Variants in PCCB observed in about 807,000 individuals in gnomAD.
PCCB encodes the protein propionyl-CoA carboxylase subunit beta.
PCCB carries 43 observed loss-of-function variants against 60.7 expected under a neutral mutation model. The observed-to-expected ratio is 0.71, with a 90% CI of 0.55 to 0.91. The LOEUF (loss-of-function observed/expected upper bound fraction) is 0.91, where lower values mean the gene tolerates loss of function less well. Ranked by LOEUF, PCCB falls within the 40% of genes least tolerant of loss-of-function variation. The pLI, the probability that PCCB is intolerant of heterozygous loss-of-function variation, is 0.00. For synonymous variants in PCCB, 276 were observed against 255.9 expected (o/e 1.08, Z -0.75); for missense variants, 766 against 702.8 (o/e 1.09, Z -1.02).
At chr3:136,314,032 TCACA>T (rs34354052) in intron 9 of PCCB, among the ~76,000 whole-genome samples, 8 of 150,768 alleles carry the variant, frequency 5.3e-5, no homozygotes, top group Admixed American at 4.0e-4. Flanking sequence ...TTAGAAGGAG[TCACA>T]CACACACACA....
intron 9 of PCCB, among the ~76,000 whole-genome samples, chr3:136,316,318 T>A (rs1438392014): frequency 2.0e-5 from 3 of 152,112 alleles, no homozygotes; most frequent in African/African-American, 7.2e-5. Flanking sequence ...TTTTTATTTT[T>A]ATTTATTTAT....
chr3:136,266,383 C>T (rs1286680537), intron 5 of PCCB, among the ~76,000 whole-genome samples: 1 of 152,170 alleles, frequency 6.6e-6, no homozygotes, highest in African/African-American at 2.4e-5. Context: ...TCTGCCTTGG[C>T]CTCCCAAAGT....
chr3:136,265,494 T>C (rs1178102214), intron 5 of PCCB, among the ~76,000 whole-genome samples: 2 of 152,256 alleles, frequency 1.3e-5, no homozygotes, highest in Non-Finnish European at 2.9e-5. Context: ...TGTTCCTTTT[T>C]ATTGGTGAAT....
At chr3:136,297,844 G>T (rs886596568) in intron 7 of PCCB, 108 bp from the exon 8 acceptor site, 6 of 1,219,438 alleles carry the variant, frequency 4.9e-6, no homozygotes, top group Non-Finnish European at 7.3e-6. Context: ...AGAGCTATCA[G>T]CACGGTCTGC....
At chr3:136,307,540 A>T (rs1346118857) in intron 9 of PCCB, among the ~76,000 whole-genome samples, 1 of 152,214 alleles carries the variant, frequency 6.6e-6, no homozygotes, top group African/African-American at 2.4e-5. Context: ...ATAATTACAA[A>T]GGTAACCACT....
chr3:136,276,966 G>A (rs1043714642), intron 5 of PCCB, among the ~76,000 whole-genome samples: 4 of 152,208 alleles, frequency 2.6e-5, no homozygotes, highest in African/African-American at 4.8e-5. Flanking sequence ...GCCAGGATAA[G>A]TTGATTGCTA....
intron 10 of PCCB, among the ~76,000 whole-genome samples, chr3:136,317,677 C>G (rs1268414189): frequency 6.6e-6 from 1 of 152,164 alleles, no homozygotes; most frequent in South Asian, 2.1e-4. Flanking sequence ...ATATATGACT[C>G]ACCCACTAAT....
chr3:136,307,864 A>G (rs905501535), intron 9 of PCCB, among the ~76,000 whole-genome samples: 11 of 151,658 alleles, frequency 7.3e-5, no homozygotes, highest in African/African-American at 2.7e-4. Context: ...AATCCCAGCT[A>G]CCCGGGAGGC....
chr3:136,290,993 A>G (rs925153317), intron 6 of PCCB, among the ~76,000 whole-genome samples: 3 of 152,108 alleles, frequency 2.0e-5, no homozygotes, highest in Non-Finnish European at 4.4e-5. Context: ...CAGTCTACCA[A>G]AAAACATCAA....
chr3:136,268,094 A>ATATATATATATATATATATATATATG, intron 5 of PCCB, among the ~76,000 whole-genome samples: 1 of 64,324 alleles, frequency 1.6e-5, no homozygotes, highest in Non-Finnish European at 3.0e-5. Context: ...GTAGATATAT[A>ATATATATATATATATATATATATATG]TATATATATA....
intron 9 of PCCB, among the ~76,000 whole-genome samples, chr3:136,316,314 T>C (rs1934892292): frequency 6.6e-6 from 1 of 152,032 alleles, no homozygotes; most frequent in African/African-American, 2.4e-5. Context: ...GAATTTTTTA[T>C]TTTTATTTAT....
At chr3:136,326,213 C>A in intron 10 of PCCB, 2 of 614,636 alleles carry the variant, frequency 3.3e-6, no homozygotes, top group South Asian at 3.8e-5. Flanking sequence ...TGATGATGGT[C>A]CTTGTCTTGC....
intron 1 of PCCB, 88 bp downstream of exon 1, chr3:136,250,646 T>G: frequency 7.4e-7 from 1 of 1,344,460 alleles, no homozygotes; most frequent in Non-Finnish European, 1.0e-6. Flanking sequence ...GAGGCCTCCC[T>G]GCCAATCCGC....
chr3:136,298,177 A>T, intron 8 of PCCB, 105 bp downstream of exon 8: 1 of 1,341,392 alleles, frequency 7.5e-7, no homozygotes, highest in Non-Finnish European at 1.1e-6. Flanking sequence ...GTTGCAGCAG[A>T]GTGTGGTAGA....
chr3:136,263,663 C>G (rs774533399), intron 5 of PCCB, among the ~76,000 whole-genome samples: 1 of 152,086 alleles, frequency 6.6e-6, no homozygotes, highest in Non-Finnish European at 1.5e-5. Context: ...ATTGATACCT[C>G]CACTCACTTA....
At chr3:136,302,521 C>G (rs1934328568) in intron 9 of PCCB, among the ~76,000 whole-genome samples, 1 of 120,112 alleles carries the variant, frequency 8.3e-6, no homozygotes, top group African/African-American at 2.5e-5. Flanking sequence ...TAATTTTTTT[C>G]TGTCATTTAT....
Position 136,298,207 on chromosome 3 carries a change from A to T in PCCB, c.884+135A>T, listed in dbSNP as rs542259237. 1.9e-5 allele frequency: 20 copies of T among 1,039,278 alleles called. No homozygotes were observed. The South Asian group carries it at 2.4e-4, about 13-fold the overall frequency. The allele number at this position is 1,039,278 out of a possible 1,614,324, so 64.4% of individuals were successfully genotyped here. A position where few individuals can be genotyped will look rare whatever the true frequency, so the allele number is the denominator to read the frequency against. ...GGTAGAGTGGCTCCCAGGTGTGGGGATGATGTCATGTTTGGCTATAGGAGC... is the reference window on the plus strand; with the variant it reads ...GGTAGAGTGGCTCCCAGGTGTGGGGTTGATGTCATGTTTGGCTATAGGAGC... On this transcript the variant is annotated intron_variant, in intron 8 of 14. Coordinates refer to ENST00000251654, the MANE Select transcript of PCCB (RefSeq NM_000532.5).
rs1553773148 is a variant in PCCB at position 136,250,380 on chromosome 3, C to CGGCGGCATTACGGGT, written c.12_26dup (p.Leu5_Ala9dup). The CGGCGGCATTACGGGT allele has an allele frequency of 2.0e-6, 3 of 1,526,860 alleles. No homozygotes were observed. The South Asian group carries it at 3.8e-5, about 19-fold the overall frequency. The allele number at this position is 1,526,860 out of a possible 1,614,324, so 94.6% of individuals were successfully genotyped here. On this transcript the variant is annotated inframe_insertion, in exon 1 of 15. Coordinates refer to ENST00000251654, the MANE Select transcript of PCCB (RefSeq NM_000532.5). The stretch of plus-strand genomic sequence containing the variant: ...GGACGCGCCGGCACAGCAAAAATGG[C>CGGCGGCATTACGGGT]GGCGGCATTACGGGTGGCGGCGGTC...
chr3:136,280,684 A>G (rs1942452194), intron 5 of PCCB, among the ~76,000 whole-genome samples: 2 of 152,148 alleles, frequency 1.3e-5, no homozygotes. Flanking sequence ...TTTTAGACAC[A>G]GGGTCTTGCT....
Sources: allele counts gnomAD v4.1 joint callset (sites outside exome capture counted in the v4.1 genomes callset), GRCh38; gene constraint gnomAD v4.1.1; transcripts MANE v1.5; gene names NCBI Gene and HGNC (gene_info 2026-07-23, HGNC 2026-07-21).